ADGRL3: variants seen among roughly 807,000 people sequenced by gnomAD.
ADGRL3 encodes the protein calcium-independent alpha-latrotoxin receptor 3.
In ADGRL3, 62 loss-of-function variants were observed where a neutral mutation model predicts 153.5. The observed-to-expected ratio is 0.40, with a 90% CI of 0.33 to 0.50. The LOEUF is 0.50. ADGRL3 is among the 20% of genes least tolerant of loss of function. ADGRL3 has a pLI of 0.47. For missense variants in ADGRL3, 1,641 were observed against 1,859.4 expected (o/e 0.88, Z 2.16); for synonymous variants, 710 against 672.5 (o/e 1.06, Z -0.86).
At chr4:61,507,495 C>T (rs944087707) in intron 3 of ADGRL3, among the ~76,000 whole-genome samples, 2 of 152,156 alleles carry the variant, frequency 1.3e-5, no homozygotes, top group Admixed American at 6.5e-5. Context: ...AGCCTGTTAA[C>T]ATATTTGCTG....
At chr4:61,989,195 G>GATAC (rs2099095732) in intron 19 of ADGRL3, among the ~76,000 whole-genome samples, 2 of 151,900 alleles carry the variant, frequency 1.3e-5, no homozygotes, top group Non-Finnish European at 2.9e-5. Flanking sequence ...TGAACTTGAT[G>GATAC]GTATATGCAA....
intron 1 of ADGRL3, among the ~76,000 whole-genome samples, chr4:61,242,624 G>T (rs1755464325): frequency 6.6e-6 from 1 of 151,956 alleles, no homozygotes; most frequent in Non-Finnish European, 1.5e-5. Flanking sequence ...CAATGAAACA[G>T]TTACATGCAT....
chr4:61,980,418 C>CTCTT (rs900233423), intron 18 of ADGRL3, among the ~76,000 whole-genome samples: 6 of 145,682 alleles, frequency 4.1e-5, no homozygotes, highest in Non-Finnish European at 7.5e-5. Context: ...ATCTCTCTGT[C>CTCTT]TCTTTCTTTC....
chr4:61,979,197 A>T (rs1394309402), intron 17 of ADGRL3, among the ~76,000 whole-genome samples: 1 of 152,204 alleles, frequency 6.6e-6, no homozygotes, highest in Non-Finnish European at 1.5e-5. Flanking sequence ...CCTACTGGAG[A>T]TGGTCTGAAA....
intron 6 of ADGRL3, among the ~76,000 whole-genome samples, chr4:61,687,151 G>A (rs889526463): frequency 2.0e-5 from 3 of 150,646 alleles, no homozygotes; most frequent in African/African-American, 4.9e-5. Context: ...TTTTCAAAAC[G>A]CTTTAATAAA....
chr4:61,794,013 A>C (rs2097375346), intron 8 of ADGRL3, among the ~76,000 whole-genome samples: 1 of 152,178 alleles, frequency 6.6e-6, no homozygotes, highest in Non-Finnish European at 1.5e-5. Flanking sequence ...TGACCAGTAC[A>C]TTGAATCATT....
chr4:61,576,795 CAT>C (rs908376128), intron 4 of ADGRL3, among the ~76,000 whole-genome samples: 61 of 151,634 alleles, frequency 4.0e-4, no homozygotes, highest in South Asian at 4.0e-3. Context: ...AGTTGGAAAA[CAT>C]AACAATGTGA....
chr4:61,386,551 AT>A (rs1266402985), intron 2 of ADGRL3, among the ~76,000 whole-genome samples: 6 of 152,168 alleles, frequency 3.9e-5, no homozygotes, highest in African/African-American at 1.4e-4. Flanking sequence ...CAATTTACAA[AT>A]TTTTACTAAA....
At chr4:61,631,679 T>G (rs1048527403) in intron 5 of ADGRL3, among the ~76,000 whole-genome samples, 1 of 152,330 alleles carries the variant, frequency 6.6e-6, no homozygotes, top group Middle Eastern at 3.4e-3. Flanking sequence ...TTGGCTAGAT[T>G]AACTACACAG....
At chr4:61,735,958 T>C (rs1337993896) in intron 8 of ADGRL3, among the ~76,000 whole-genome samples, 2 of 152,086 alleles carry the variant, frequency 1.3e-5, no homozygotes, top group African/African-American at 2.4e-5. Context: ...CCCATGTGTT[T>C]AAAAACTTGC....
At chr4:62,003,722 A>C (rs1323735409) in intron 21 of ADGRL3, among the ~76,000 whole-genome samples, 4 of 152,256 alleles carry the variant, frequency 2.6e-5, no homozygotes, top group Non-Finnish European at 2.9e-5. Flanking sequence ...TCCCATTAGA[A>C]TTTGACTGGT....
At chr4:61,269,869 T>A (rs1431358506) in intron 1 of ADGRL3, among the ~76,000 whole-genome samples, 2 of 151,698 alleles carry the variant, frequency 1.3e-5, no homozygotes, top group African/African-American at 4.8e-5. Context: ...GCTGGCAGAA[T>A]CTTTTACAAA....
intron 1 of ADGRL3, among the ~76,000 whole-genome samples, chr4:61,292,348 TAACAA>T (rs2150181770): frequency 6.6e-6 from 1 of 152,220 alleles, no homozygotes; most frequent in South Asian, 2.1e-4. Context: ...ATGAGTATAA[TAACAA>T]AACAATCTCT....
chr4:61,559,485 C>G (rs1007174664), intron 4 of ADGRL3, among the ~76,000 whole-genome samples: 9 of 152,062 alleles, frequency 5.9e-5, no homozygotes, highest in African/African-American at 2.2e-4. Context: ...GGACTGCACC[C>G]ATCGTGGCAT....
At chr4:61,218,922 A>T (rs1434837272) in intron 1 of ADGRL3, among the ~76,000 whole-genome samples, 2 of 147,506 alleles carry the variant, frequency 1.4e-5, no homozygotes, top group Non-Finnish European at 3.0e-5. Flanking sequence ...GAAGCCATGA[A>T]AGGTTTTAAC....
chr4:61,226,476 T>G (rs151182355), intron 1 of ADGRL3, among the ~76,000 whole-genome samples: 518 of 152,324 alleles, frequency 3.4e-3, no homozygotes, highest in Non-Finnish European at 5.2e-3. Flanking sequence ...ACATGTGTGG[T>G]TATTTTAATG....
At chr4:61,588,820 G>A (rs1438834523) in intron 5 of ADGRL3, among the ~76,000 whole-genome samples, 1 of 151,968 alleles carries the variant, frequency 6.6e-6, no homozygotes, top group Admixed American at 6.6e-5. Flanking sequence ...TGAGTAGTAT[G>A]CAGTGGGCAC....
At chr4:61,522,161 C>G (rs1033684662) in intron 4 of ADGRL3, among the ~76,000 whole-genome samples, 3 of 152,088 alleles carry the variant, frequency 2.0e-5, no homozygotes, top group African/African-American at 7.2e-5. Flanking sequence ...ATATATTTGA[C>G]ATTCATTCAG....
chr4:61,427,834 C>G (rs927634351), intron 2 of ADGRL3: 20 of 152,684 alleles, frequency 1.3e-4, no homozygotes, highest in Admixed American at 1.0e-3. Flanking sequence ...CCCTCAGGGA[C>G]TGAGTGTGCA....
Sources: gnomAD v4.1 joint callset for allele counts (sites outside exome capture counted in the v4.1 genomes callset) on GRCh38, gnomAD v4.1.1 for gene constraint, MANE v1.5 for transcripts, NCBI Gene and HGNC (gene_info 2026-07-23, HGNC 2026-07-21) for gene names.